PHC3: variants seen among roughly 807,000 people sequenced by gnomAD.
PHC3 encodes the protein polyhomeotic homolog 3, also known as polyhomeotic-like protein 3.
A neutral mutation model predicts 107.4 loss-of-function variants in PHC3; 13 were observed. The observed-to-expected ratio is 0.12, with a 90% CI of 0.08 to 0.19. PHC3 has a LOEUF of 0.19. Ranked by LOEUF, PHC3 falls within the 10% of genes least tolerant of loss-of-function variation. The pLI is 1.00. For missense variants in PHC3, 992 were observed against 1,210.9 expected (o/e 0.82, Z 2.68); for synonymous variants, 456 against 427.4 (o/e 1.07, Z -0.83).
At chr3:170,181,510 G>A (rs982496625) in intron 1 of PHC3, among the ~76,000 whole-genome samples, 192 bp downstream of exon 1, 4 of 152,126 alleles carry the variant, frequency 2.6e-5, no homozygotes, top group South Asian at 2.1e-4. Flanking sequence ...TGCCTGGAGG[G>A]TAACTGGACC....
chr3:170,123,114 A>C (rs934511030), intron 8 of PHC3, among the ~76,000 whole-genome samples: 1 of 152,192 alleles, frequency 6.6e-6, no homozygotes, highest in Admixed American at 6.5e-5. Flanking sequence ...AACAGATACT[A>C]ACATTTTTCA....
Position 170,115,829 on chromosome 3 carries a change from TG to T in PHC3, c.2193+1396del, listed in dbSNP as rs1718834562. Among the ~76,000 whole-genome samples the T allele has an allele frequency of 2.0e-5, 3 of 152,050 alleles. No homozygotes were observed. The South Asian group carries it at 6.2e-4, about 32-fold the overall frequency. On this transcript the variant is annotated intron_variant, in intron 10 of 14. Coordinates refer to ENST00000495893, the MANE Select transcript of PHC3 (RefSeq NM_024947.4). The stretch of plus-strand genomic sequence containing the variant: ...TATGGAGCAGACAGGGAAAAAAGAC[TG>T]TTCCTCCATCCACTGTATGAGAATT...
chr3:170,136,845 C>A (rs901553253), intron 6 of PHC3, among the ~76,000 whole-genome samples, 180 bp from the exon 7 acceptor site: 2 of 149,470 alleles, frequency 1.3e-5, no homozygotes, highest in Non-Finnish European at 3.0e-5. Flanking sequence ...TCTAAGTAAT[C>A]ACATCTTAAA....
At chr3:170,117,191 T>C (rs1205244433) in intron 10 of PHC3, 35 bp downstream of exon 10, 3 of 1,612,942 alleles carry the variant, frequency 1.9e-6, no homozygotes, top group Admixed American at 3.3e-5. Flanking sequence ...GTTATATAAA[T>C]TACAAACACA....
rs1454470813 is a variant in PHC3 at position 170,088,879 on chromosome 3, C to G, written c.*8351G>C. On this transcript the variant is annotated 3_prime_UTR_variant, in exon 15 of 15. Transcript: ENST00000495893. ...GATATTTTCCTGCTTTAAAAAGCTG[C>G]AACAGGCTAGGCGCAGTGGCTCATG... 1.3e-5 allele frequency: 2 copies of G among 152,212 alleles called. No individual in the cohort carries two copies. The highest frequency in any genetic ancestry group is 2.4e-5 in the African/African-American group (1 of 41,416). The allele number at this position is 152,212 out of a possible 1,614,324, so 9.4% of individuals were successfully genotyped here.
intron 11 of PHC3, among the ~76,000 whole-genome samples, chr3:170,109,579 T>C (rs1037812591): frequency 6.6e-6 from 1 of 152,148 alleles, no homozygotes; most frequent in Non-Finnish European, 1.5e-5. Flanking sequence ...CCAAACCTGC[T>C]TCCTAATCTA....
intron 8 of PHC3, among the ~76,000 whole-genome samples, chr3:170,123,664 G>C (rs968284085): frequency 2.6e-5 from 4 of 151,600 alleles, no homozygotes; most frequent in Admixed American, 1.3e-4. Context: ...ATGGTGGCGG[G>C]CGCCTGTAGT....
At chr3:170,105,413 C>G (rs1219221141) in intron 12 of PHC3, among the ~76,000 whole-genome samples, 1 of 151,972 alleles carries the variant, frequency 6.6e-6, no homozygotes, top group Non-Finnish European at 1.5e-5. Context: ...TTAAGTTTTA[C>G]TAAGTATATT....
chr3:170,100,620 TTAAG>T (rs1715319373), intron 14 of PHC3, among the ~76,000 whole-genome samples: 1 of 152,176 alleles, frequency 6.6e-6, no homozygotes, highest in African/African-American at 2.4e-5. Flanking sequence ...GGCAACAAAA[TTAAG>T]TGTCTAGATG....
At chr3:170,142,023 A>G (rs1724195691) in intron 6 of PHC3, among the ~76,000 whole-genome samples, 1 of 152,192 alleles carries the variant, frequency 6.6e-6, no homozygotes, top group African/African-American at 2.4e-5. Flanking sequence ...GCAGCTTGTG[A>G]TATCTTATGT....
At chr3:170,172,205 T>G (rs1729702415) in intron 3 of PHC3, among the ~76,000 whole-genome samples, 1 of 152,140 alleles carries the variant, frequency 6.6e-6, no homozygotes, top group Non-Finnish European at 1.5e-5. Context: ...GATTTTTTAA[T>G]GAGTATAATT....
intron 4 of PHC3, among the ~76,000 whole-genome samples, chr3:170,159,423 AG>A (rs1234848374): frequency 6.6e-6 from 1 of 152,156 alleles, no homozygotes; most frequent in Non-Finnish European, 1.5e-5. Context: ...AGTCAAAGAA[AG>A]GGCTAAAAGA....
chr3:170,181,681 A>G (rs1330818734), intron 1 of PHC3, 21 bp downstream of exon 1: 5 of 1,613,326 alleles, frequency 3.1e-6, no homozygotes, highest in South Asian at 1.1e-5. Context: ...TTACGACATC[A>G]GTCACCATCT....
At chr3:170,159,278 G>C (rs1727458205) in intron 4 of PHC3, among the ~76,000 whole-genome samples, 1 of 147,484 alleles carries the variant, frequency 6.8e-6, no homozygotes, top group African/African-American at 2.5e-5. Context: ...AAAAAAATCT[G>C]ATAAATAGCA....
At chr3:170,103,026 G>T (rs1715775209) in intron 12 of PHC3, 92 bp from the exon 13 acceptor site, 1 of 1,220,218 alleles carries the variant, frequency 8.2e-7, no homozygotes, top group East Asian at 2.6e-5. Flanking sequence ...CTGTGAATCA[G>T]TAAGTACCAC....
intron 4 of PHC3, among the ~76,000 whole-genome samples, chr3:170,160,205 C>G (rs1455064555): frequency 2.6e-5 from 4 of 152,204 alleles, no homozygotes; most frequent in Admixed American, 6.5e-5. Context: ...ATCCCTAAAT[C>G]TAACCTCTGC....
At chr3:170,131,756 G>A (rs904912707) in intron 7 of PHC3, among the ~76,000 whole-genome samples, 1 of 152,146 alleles carries the variant, frequency 6.6e-6, no homozygotes, top group Non-Finnish European at 1.5e-5. Flanking sequence ...AGAATTGCTT[G>A]AACTCGGGAG....
chr3:170,140,443 G>T (rs894629536), intron 6 of PHC3, among the ~76,000 whole-genome samples: 2 of 151,228 alleles, frequency 1.3e-5, no homozygotes, highest in Non-Finnish European at 2.9e-5. Flanking sequence ...TAGTAAAGAT[G>T]GGGTTTCGCC....
chr3:170,138,689 CAAAAAAAAAAA>C (rs11284597), intron 6 of PHC3, among the ~76,000 whole-genome samples: 1 of 81,332 alleles, frequency 1.2e-5, no homozygotes, highest in Non-Finnish European at 2.5e-5. Flanking sequence ...GACTCTGTCT[CAAAAAAAAAAA>C]AAAAAAAAAA....
Sources: allele counts gnomAD v4.1 joint callset (sites outside exome capture counted in the v4.1 genomes callset), GRCh38; gene constraint gnomAD v4.1.1; transcripts MANE v1.5; gene names NCBI Gene and HGNC (gene_info 2026-07-23, HGNC 2026-07-21).